PPP1R7: variants seen among roughly 807,000 people sequenced by gnomAD.
PPP1R7 encodes the protein protein phosphatase 1 regulatory subunit 7.
Under a neutral mutation model 45.2 loss-of-function variants are expected in PPP1R7, and 18 were observed. The ratio of observed to expected loss-of-function variants is 0.40; its 90% CI spans 0.28 to 0.59. The LOEUF (loss-of-function observed/expected upper bound fraction) is 0.59, where lower values mean the gene tolerates loss of function less well. Ranked by LOEUF, PPP1R7 falls within the 20% of genes least tolerant of loss-of-function variation. The pLI is 0.46. For missense variants in PPP1R7, 314 were observed against 455.8 expected, an observed-to-expected ratio of 0.69 and a Z score of 2.83; for synonymous variants, 181 against 183.4, an observed-to-expected ratio of 0.99 and a Z score of 0.11.
upstream of PPP1R7, chr2:241,149,791 T>G: frequency 1.2e-5 from 18 of 1,534,936 alleles, no homozygotes; most frequent in South Asian, 2.1e-4. Flanking sequence ...GCCGGGTGGC[T>G]CCGCAGGGTA....
At chr2:241,168,433 C>T (rs77951599) in intron 8 of PPP1R7, among the ~76,000 whole-genome samples, 2,732 of 152,262 alleles carry the variant, frequency 0.018, 88 homozygotes, top group African/African-American at 0.061. Context: ...GTGCAGAGTG[C>T]GGGGGAGAGC....
intron 2 of PPP1R7, chr2:241,154,984 A>G (rs925977781): frequency 6.6e-6 from 1 of 152,236 alleles, no homozygotes; most frequent in Non-Finnish European, 1.5e-5. Flanking sequence ...TCACAAGGAG[A>G]TTACCACAAA....
At chr2:241,173,580 G>T (rs2067856000) in intron 9 of PPP1R7, among the ~76,000 whole-genome samples, 1 of 152,116 alleles carries the variant, frequency 6.6e-6, no homozygotes, top group African/African-American at 2.4e-5. Context: ...GGGTTAACTG[G>T]GTCTGTGAAT....
intron 5 of PPP1R7, 87 bp downstream of exon 5, chr2:241,159,430 G>T: frequency 6.6e-7 from 1 of 1,522,610 alleles, no homozygotes. Context: ...CCTCCTGCTG[G>T]CTCTTAGCCC....
chr2:241,156,465 G>A (rs899788763), intron 2 of PPP1R7, among the ~76,000 whole-genome samples: 2 of 152,308 alleles, frequency 1.3e-5, no homozygotes, highest in Non-Finnish European at 2.9e-5. Context: ...GAGGCTAGGA[G>A]TTCCAGACCA....
At chr2:241,159,939 C>T (rs1425298221) in intron 5 of PPP1R7, among the ~76,000 whole-genome samples, 2 of 152,184 alleles carry the variant, frequency 1.3e-5, no homozygotes, top group Non-Finnish European at 2.9e-5. Flanking sequence ...TGCCCTTTGT[C>T]GCTCATTCAT....
intron 9 of PPP1R7, 46 bp downstream of exon 9, chr2:241,169,913 G>T (rs756302182): frequency 1.4e-6 from 2 of 1,413,162 alleles, no homozygotes; most frequent in South Asian, 2.3e-5. Flanking sequence ...GACTAAACTG[G>T]TCTCACTGAT....
chr2:241,150,685 G>T (rs943765979), intron 1 of PPP1R7, 138 bp downstream of exon 1: 8 of 1,270,694 alleles, frequency 6.3e-6, no homozygotes, highest in Non-Finnish European at 8.1e-6. Flanking sequence ...GCTGACAGCC[G>T]GACCCGGGGG....
At chr2:241,170,159 G>A (rs575286815) in intron 9 of PPP1R7, among the ~76,000 whole-genome samples, 74 of 152,284 alleles carry the variant, frequency 4.9e-4, no homozygotes, top group African/African-American at 1.6e-3. Flanking sequence ...ACAAGACTCC[G>A]GGTGATTGCA....
At chr2:241,173,269 CAAAAAAAA>C (rs540011262) in intron 9 of PPP1R7, among the ~76,000 whole-genome samples, 3 of 90,674 alleles carry the variant, frequency 3.3e-5, no homozygotes, top group African/African-American at 1.2e-4. Flanking sequence ...AAGACTTTCT[CAAAAAAAA>C]AAAAAAAAAA....
intron 2 of PPP1R7, 66 bp downstream of exon 2, chr2:241,153,670 CT>C (rs1257993203): frequency 6.3e-7 from 1 of 1,581,558 alleles, no homozygotes; most frequent in African/African-American, 1.3e-5. Flanking sequence ...TGCACGTGGT[CT>C]GGCCCTGGGT....
intron 8 of PPP1R7, 44 bp downstream of exon 8, chr2:241,166,485 A>G: frequency 6.4e-7 from 1 of 1,572,458 alleles, no homozygotes; most frequent in Non-Finnish European, 8.7e-7. Flanking sequence ...GGCGGTGGGC[A>G]CCAGGCGGGC....
rs1164348544 is a variant in PPP1R7, at chr2:241,153,331, A to G, written c.53-145A>G. On this transcript the variant is annotated intron_variant, in intron 1 of 9. Transcript: ENST00000234038. Reference sequence around the variant, plus strand: ...CATATGCCTCAAATGGTGCTGGGACATGGGAGACACTCAGATGTTCGTTGA... The same window carrying G: ...CATATGCCTCAAATGGTGCTGGGACGTGGGAGACACTCAGATGTTCGTTGA... 1.8e-5 allele frequency: 20 copies of G among 1,100,826 alleles called. No individual in the cohort carries two copies. In the Middle Eastern group the frequency reaches 1.0e-3, roughly 56 times the overall value. 68.2% of individuals were successfully genotyped at this position (1,100,826 alleles called of 1,614,324 possible).
chr2:241,160,279 A>G (rs567318649), intron 5 of PPP1R7, 53 bp from the exon 6 acceptor site: 8 of 1,473,992 alleles, frequency 5.4e-6, no homozygotes, highest in East Asian at 2.3e-5. Context: ...TGTGAGTTCT[A>G]TGCAACCTAT....
At chr2:241,149,798 G>C, upstream of PPP1R7, 4 of 1,533,960 alleles carry the variant, frequency 2.6e-6, no homozygotes, top group Non-Finnish European at 3.5e-6. Flanking sequence ...GGCTCCGCAG[G>C]GTAGACGAAG....
At chr2:241,150,992 T>C (rs796599809) in intron 1 of PPP1R7, among the ~76,000 whole-genome samples, 2 of 152,262 alleles carry the variant, frequency 1.3e-5, no homozygotes, top group Admixed American at 6.5e-5. Flanking sequence ...TCGAATGGAC[T>C]GTTGGGAAGG....
intron 8 of PPP1R7, chr2:241,167,121 C>T: frequency 1.3e-6 from 2 of 1,564,518 alleles, no homozygotes; most frequent in South Asian, 2.2e-5. Flanking sequence ...CCAGCTCACC[C>T]TGCTCTGCCC....
At chr2:241,171,873 T>A (rs1045113902) in intron 9 of PPP1R7, among the ~76,000 whole-genome samples, 1 of 152,234 alleles carries the variant, frequency 6.6e-6, no homozygotes, top group Admixed American at 6.5e-5. Context: ...GTCTTATGAT[T>A]AGCGCTCTCA....
intron 8 of PPP1R7, chr2:241,167,144 C>G (rs2149063140): frequency 1.4e-6 from 2 of 1,391,086 alleles, no homozygotes; most frequent in Admixed American, 4.3e-5. Flanking sequence ...GTGCGGTGTT[C>G]AAGACAAATA....
Sources: gnomAD v4.1 joint callset for allele counts (sites outside exome capture counted in the v4.1 genomes callset) on GRCh38, gnomAD v4.1.1 for gene constraint, MANE v1.5 for transcripts, NCBI Gene and HGNC (gene_info 2026-07-23, HGNC 2026-07-21) for gene names.